Variants in RSPRY1 observed in about 807,000 individuals in gnomAD.
RSPRY1 encodes the protein RING finger and SPRY domain-containing protein 1.
In RSPRY1, 23 loss-of-function variants were observed where a neutral mutation model predicts 73.1. The ratio of observed to expected loss-of-function variants is 0.31; its 90% CI spans 0.23 to 0.45. The LOEUF (loss-of-function observed/expected upper bound fraction) is 0.45, where lower values mean the gene tolerates loss of function less well. Ranked by LOEUF, RSPRY1 falls within the 20% of genes least tolerant of loss-of-function variation. The pLI, the probability that RSPRY1 is intolerant of heterozygous loss-of-function variation, is 1.00. For synonymous variants in RSPRY1, 226 were observed against 251.4 expected (o/e 0.90, Z 0.95); for missense variants, 448 against 698.7 (o/e 0.64, Z 4.05).
chr16:57,222,164 C>G (rs893432667), intron 10 of RSPRY1, among the ~76,000 whole-genome samples: 1 of 152,070 alleles, frequency 6.6e-6, no homozygotes, highest in Non-Finnish European at 1.5e-5. Context: ...AATAATAGCC[C>G]CCCCCTCCAA....
intron 1 of RSPRY1, among the ~76,000 whole-genome samples, chr16:57,187,454 G>C (rs559783040): frequency 2.6e-5 from 4 of 152,292 alleles, no homozygotes; most frequent in African/African-American, 9.6e-5. Context: ...GTTATCGACT[G>C]AGTAGAATCC....
At chr16:57,187,602 G>T (rs889969753) in intron 1 of RSPRY1, among the ~76,000 whole-genome samples, 3 of 152,202 alleles carry the variant, frequency 2.0e-5, no homozygotes, top group South Asian at 4.1e-4. Flanking sequence ...AAGTTAGTGT[G>T]ATTCTACCAC....
In RSPRY1 at chr16:57,239,657, A is replaced by G. The variant is rs1159000050; in HGVS notation, c.*682A>G. 2.0e-5 allele frequency: 3 copies of G among 148,990 alleles called. No individual in the cohort carries two copies. The highest frequency in any genetic ancestry group is 4.5e-5 in the Non-Finnish European group (3 of 67,200). 9.2% of individuals were successfully genotyped at this position (148,990 alleles called of 1,614,324 possible). A position where few individuals can be genotyped will look rare whatever the true frequency, so the allele number is the denominator to read the frequency against. The stretch of plus-strand genomic sequence containing the variant: ...GAAAATTGGTGGTATTTTCACATTC[A>G]TAGTGTTTCTATCCAATTTCAGTAC... On this transcript the variant is annotated 3_prime_UTR_variant, in exon 15 of 15. Transcript: ENST00000394420.
At chr16:57,221,475 T>A (rs909142330) in intron 10 of RSPRY1, 60 bp downstream of exon 10, 2 of 1,511,992 alleles carry the variant, frequency 1.3e-6, no homozygotes, top group Non-Finnish European at 1.8e-6. Context: ...TTCCCCCTAG[T>A]TGGTGGGTGG....
intron 1 of RSPRY1, among the ~76,000 whole-genome samples, chr16:57,200,064 GT>G (rs2074539062): frequency 6.8e-6 from 1 of 147,626 alleles, no homozygotes; most frequent in Non-Finnish European, 1.5e-5. Flanking sequence ...CTTCCACAGT[GT>G]TTGTGTCCCT....
intron 1 of RSPRY1, among the ~76,000 whole-genome samples, chr16:57,201,088 GC>G (rs1357143944): frequency 6.6e-6 from 1 of 152,032 alleles, no homozygotes; most frequent in Non-Finnish European, 1.5e-5. Flanking sequence ...AGACGGGGTG[GC>G]TGCCGGGCGG....
At chr16:57,232,952 T>G (rs2075248174) in intron 13 of RSPRY1, among the ~76,000 whole-genome samples, 1 of 152,234 alleles carries the variant, frequency 6.6e-6, no homozygotes, top group Non-Finnish European at 1.5e-5. Flanking sequence ...AACCTCCTTC[T>G]TGCACCTTGC....
intron 2 of RSPRY1, 34 bp downstream of exon 2, chr16:57,205,042 A>C: frequency 4.6e-6 from 7 of 1,525,964 alleles, no homozygotes; most frequent in Non-Finnish European, 6.3e-6. Context: ...CTCCAGTGGA[A>C]TGAAAAGTGT....
chr16:57,216,772 A>G, intron 7 of RSPRY1, 132 bp from the exon 8 acceptor site: 1 of 851,122 alleles, frequency 1.2e-6, no homozygotes. Flanking sequence ...TTTTCCCTAG[A>G]AATTTTAATT....
intron 4 of RSPRY1, among the ~76,000 whole-genome samples, chr16:57,210,740 G>A (rs1237086124): frequency 1.3e-5 from 2 of 151,720 alleles, no homozygotes; most frequent in Non-Finnish European, 2.9e-5. Context: ...CATTTAGGTT[G>A]GGCGCAGTGG....
At chr16:57,189,403 G>A (rs937524654) in intron 1 of RSPRY1, among the ~76,000 whole-genome samples, 30 of 151,536 alleles carry the variant, frequency 2.0e-4, no homozygotes, top group Admixed American at 2.0e-3. Context: ...AGTATCAAAG[G>A]GAAATAAAAA....
At chr16:57,225,168 C>T (rs1398124676) in intron 10 of RSPRY1, among the ~76,000 whole-genome samples, 1 of 152,242 alleles carries the variant, frequency 6.6e-6, no homozygotes, top group East Asian at 1.9e-4. Context: ...TCAGGCGATT[C>T]TTGTGCCTCA....
chr16:57,198,153 A>G (rs1460714831), intron 1 of RSPRY1, among the ~76,000 whole-genome samples: 3 of 152,114 alleles, frequency 2.0e-5, no homozygotes, highest in Non-Finnish European at 4.4e-5. Context: ...TGGGAGGCCG[A>G]GGCAGGCGGA....
chr16:57,192,451 T>G (rs1217810903), intron 1 of RSPRY1, among the ~76,000 whole-genome samples: 1 of 152,202 alleles, frequency 6.6e-6, no homozygotes. Flanking sequence ...AAGGCAAATT[T>G]TTCAATCCTT....
In RSPRY1 at chr16:57,207,490, G is replaced by A. The variant is rs551364651; in HGVS notation, c.351-568G>A. On this transcript the variant is annotated intron_variant, in intron 2 of 14. Transcript: ENST00000394420. Reference sequence around the variant, plus strand: ...ACACCACTGAATTAAGGTGTATAATGCCACTTTGGAGCAATGTCTAGAATG... The same window carrying A: ...ACACCACTGAATTAAGGTGTATAATACCACTTTGGAGCAATGTCTAGAATG... 17 of 420,546 alleles carry A rather than the reference G, an allele frequency of 4.0e-5. No individual in the cohort carries two copies. In the East Asian group the frequency reaches 1.2e-3, roughly 30 times the overall value. 26.1% of individuals were successfully genotyped at this position (420,546 alleles called of 1,614,324 possible).
intron 10 of RSPRY1, among the ~76,000 whole-genome samples, 192 bp downstream of exon 10, chr16:57,221,607 C>G (rs1350238429): frequency 6.6e-6 from 1 of 152,072 alleles, no homozygotes; most frequent in Non-Finnish European, 1.5e-5. Context: ...AGTGAAATTG[C>G]CCCTCGGCCT....
intron 1 of RSPRY1, among the ~76,000 whole-genome samples, chr16:57,204,214 A>G (rs1047220532): frequency 3.9e-5 from 6 of 152,318 alleles, no homozygotes; most frequent in Middle Eastern, 3.4e-3. Flanking sequence ...GTATTTCTAT[A>G]TAGACAGGAA....
At chr16:57,201,202 G>C (rs2074592210) in intron 1 of RSPRY1, among the ~76,000 whole-genome samples, 1 of 151,712 alleles carries the variant, frequency 6.6e-6, no homozygotes, top group Non-Finnish European at 1.5e-5. Context: ...CTTCTCAGAC[G>C]GTGTGGCTGC....
At chr16:57,214,175 T>A (rs1163621916) in intron 6 of RSPRY1, among the ~76,000 whole-genome samples, 1 of 152,188 alleles carries the variant, frequency 6.6e-6, no homozygotes, top group Non-Finnish European at 1.5e-5. Flanking sequence ...GTTAGTCTGG[T>A]TTTAAATTTA....
Sources: allele counts gnomAD v4.1 joint callset (sites outside exome capture counted in the v4.1 genomes callset), GRCh38; gene constraint gnomAD v4.1.1; transcripts MANE v1.5; gene names NCBI Gene and HGNC (gene_info 2026-07-23, HGNC 2026-07-21).